CDH12: variants seen among roughly 807,000 people sequenced by gnomAD.
CDH12 encodes cadherin-12.
Under a neutral mutation model 74.1 loss-of-function variants are expected in CDH12, and 41 were observed. The ratio of observed to expected loss-of-function variants is 0.55; its 90% CI spans 0.43 to 0.72. The LOEUF (loss-of-function observed/expected upper bound fraction) is 0.72, where lower values mean the gene tolerates loss of function less well. Ranked by LOEUF, CDH12 falls within the 30% of genes least tolerant of loss-of-function variation. The pLI, the probability that CDH12 is intolerant of heterozygous loss-of-function variation, is 0.00. For missense variants in CDH12, 945 were observed against 977.2 expected (o/e 0.97, Z 0.44); for synonymous variants, 399 against 355.0 (o/e 1.12, Z -1.39).
intron 5 of CDH12, among the ~76,000 whole-genome samples, chr5:21,998,322 A>G (rs1736412595): frequency 6.6e-6 from 1 of 152,112 alleles, no homozygotes; most frequent in African/African-American, 2.4e-5. Context: ...TAAATCTGAG[A>G]AAAGTGTAAG....
At chr5:22,532,777 A>G (rs1737651828) in intron 1 of CDH12, among the ~76,000 whole-genome samples, 1 of 152,084 alleles carries the variant, frequency 6.6e-6, no homozygotes, top group African/African-American at 2.4e-5. Flanking sequence ...TGTAATTAAA[A>G]GCCTTAAAAA....
intron 5 of CDH12, among the ~76,000 whole-genome samples, chr5:21,988,387 G>A (rs760574616): frequency 6.6e-6 from 1 of 151,130 alleles, no homozygotes; most frequent in Non-Finnish European, 1.5e-5. Context: ...AGCTACTCGG[G>A]AGGCTGAGGC....
At chr5:22,838,145 C>G (rs2126515880) in intron 1 of CDH12, among the ~76,000 whole-genome samples, 1 of 152,242 alleles carries the variant, frequency 6.6e-6, no homozygotes, top group South Asian at 2.1e-4. Flanking sequence ...AGCTCTTAAC[C>G]CTGATGACGG....
At chr5:22,340,845 G>A (rs538279163) in intron 3 of CDH12, among the ~76,000 whole-genome samples, 10 of 151,998 alleles carry the variant, frequency 6.6e-5, no homozygotes, top group Non-Finnish European at 1.5e-4. Flanking sequence ...TTATTCTTCA[G>A]AATAACTTGG....
chr5:22,169,307 G>A (rs1748881258), intron 4 of CDH12, among the ~76,000 whole-genome samples: 1 of 151,810 alleles, frequency 6.6e-6, no homozygotes, highest in Admixed American at 6.6e-5. Context: ...CTCTTGCATA[G>A]TAAAATATCA....
chr5:22,040,522 AG>A, intron 5 of CDH12, among the ~76,000 whole-genome samples: 1 of 152,178 alleles, frequency 6.6e-6, no homozygotes, highest in East Asian at 1.9e-4. Flanking sequence ...AACTGTCAAA[AG>A]GTAAAGTCCA....
intron 5 of CDH12, among the ~76,000 whole-genome samples, chr5:21,996,132 T>C (rs1288099828): frequency 4.2e-5 from 6 of 143,258 alleles, no homozygotes; most frequent in Non-Finnish European, 6.0e-5. Context: ...TTTTTTTTTT[T>C]CCAATGCCTG....
chr5:22,558,829 A>G (rs1738917401), intron 1 of CDH12, among the ~76,000 whole-genome samples: 1 of 152,230 alleles, frequency 6.6e-6, no homozygotes, highest in Admixed American at 6.5e-5. Context: ...TGGCAATGGA[A>G]ACAATGTGCT....
chr5:22,568,900 C>T (rs924175965), intron 1 of CDH12, among the ~76,000 whole-genome samples: 5 of 152,146 alleles, frequency 3.3e-5, no homozygotes, highest in African/African-American at 7.2e-5. Flanking sequence ...GAGCTTTCAG[C>T]GAGTGGTAAT....
chr5:22,475,130 T>C (rs1459186972), intron 2 of CDH12, among the ~76,000 whole-genome samples: 1 of 151,008 alleles, frequency 6.6e-6, no homozygotes, highest in Non-Finnish European at 1.5e-5. Context: ...CCAGGGAACA[T>C]TCTGAGCAGG....
chr5:21,934,714 G>T (rs1010245287), intron 6 of CDH12, among the ~76,000 whole-genome samples: 1 of 152,116 alleles, frequency 6.6e-6, no homozygotes, highest in African/African-American at 2.4e-5. Context: ...TTCTGGTGGG[G>T]AGAAAGGCTA....
chr5:22,828,554 C>A (rs1736443365), intron 1 of CDH12, among the ~76,000 whole-genome samples: 1 of 152,112 alleles, frequency 6.6e-6, no homozygotes, highest in Non-Finnish European at 1.5e-5. Flanking sequence ...ATCTCAGTGA[C>A]TGAATCCAAT....
At chr5:22,054,648 T>A (rs1393390118) in intron 5 of CDH12, among the ~76,000 whole-genome samples, 1 of 152,144 alleles carries the variant, frequency 6.6e-6, no homozygotes, top group Non-Finnish European at 1.5e-5. Flanking sequence ...CTATCTCATC[T>A]AAAAGTTTGT....
At chr5:22,253,630 C>T (rs534162522) in intron 3 of CDH12, among the ~76,000 whole-genome samples, 2 of 151,746 alleles carry the variant, frequency 1.3e-5, no homozygotes, top group South Asian at 4.2e-4. Flanking sequence ...AACTTCTTGC[C>T]TTTCTCAACA....
At chr5:22,428,857 C>T (rs1171926945) in intron 2 of CDH12, among the ~76,000 whole-genome samples, 1 of 152,108 alleles carries the variant, frequency 6.6e-6, no homozygotes, top group Non-Finnish European at 1.5e-5. Context: ...AACAGCCTGC[C>T]TTTAGGGATA....
At chr5:22,137,600 A>G (rs184700659) in intron 4 of CDH12, among the ~76,000 whole-genome samples, 30 of 152,230 alleles carry the variant, frequency 2.0e-4, no homozygotes, top group African/African-American at 6.5e-4. Context: ...GATCCATCCC[A>G]TCAATTTCCC....
At chr5:22,164,617 G>C (rs2150322357) in intron 4 of CDH12, among the ~76,000 whole-genome samples, 1 of 152,330 alleles carries the variant, frequency 6.6e-6, no homozygotes, top group South Asian at 2.1e-4. Flanking sequence ...ACGAGGAGGG[G>C]ACCCCAAGGG....
chr5:22,722,152 A>C (rs1743931837), intron 1 of CDH12, among the ~76,000 whole-genome samples: 1 of 152,172 alleles, frequency 6.6e-6, no homozygotes, highest in South Asian at 2.1e-4. Flanking sequence ...ATCAAGCTGT[A>C]GTTATTTGTT....
rs531312524 is a variant in CDH12, at chr5:22,780,126, T to C, written c.-523+72932A>G. 4.6e-5 allele frequency among the ~76,000 whole-genome samples: 7 copies of C among 152,262 alleles called. No homozygotes were observed. The South Asian group carries it at 1.5e-3, about 32-fold the overall frequency. On this transcript the variant is annotated intron_variant, in intron 1 of 14. Transcript: ENST00000382254. ...TCTAGCCAGGCACAGTGGCTCGTTT[T>C]TGCAATCCCAGCACTTTTGGAGGCC... is the stretch of plus-strand genomic sequence containing the variant.
Sources: gnomAD v4.1 joint callset for allele counts (sites outside exome capture counted in the v4.1 genomes callset) on GRCh38, gnomAD v4.1.1 for gene constraint, MANE v1.5 for transcripts, NCBI Gene and HGNC (gene_info 2026-07-23, HGNC 2026-07-21) for gene names.